POU6F1: variants seen among roughly 807,000 people sequenced by gnomAD.
POU6F1 encodes the protein POU class 6 homeobox 1, also known as POU domain, class 6, transcription factor 1.
In POU6F1, 9 loss-of-function variants were observed where a neutral mutation model predicts 28.9. That is an observed-to-expected ratio of 0.31 (90% CI 0.19 to 0.54). The LOEUF is 0.54. POU6F1 is among the 20% of genes least tolerant of loss of function. The probability of loss-of-function intolerance (pLI) is 0.94; values close to 1 mark genes in which losing one functional copy is unlikely to be tolerated. For synonymous variants in POU6F1, 173 were observed against 171.1 expected (o/e 1.01, Z -0.09); for missense variants, 338 against 426.1 (o/e 0.79, Z 1.82).
At position 51,199,988 on chromosome 12, in the gene POU6F1, T is replaced by G. The variant is rs1215949034; in HGVS notation, c.245-120A>C. ...GAAGCGGGGACCCTCAGCCCCATGC[T>G]GCATTGCTACATAGCCCAAGACCAA... is the stretch of plus-strand genomic sequence containing the variant. On this transcript the variant is annotated intron_variant, in intron 3 of 10. Transcript: ENST00000333640. The surrounding 1 kb of genome is among the most constrained non-coding windows in gnomAD (Gnocchi z 4.1). 1.0e-5 allele frequency: 4 copies of G among 398,380 alleles called. No homozygotes were observed. Among genetic ancestry groups the G allele is most frequent in the African/African-American group, 2.1e-5 (1 of 48,616 alleles). 24.7% of individuals were successfully genotyped at this position (398,380 alleles called of 1,614,324 possible). A position where few individuals can be genotyped will look rare whatever the true frequency, so the allele number is the denominator to read the frequency against.
At chr12:51,206,372 G>A (rs1452282744) in intron 2 of POU6F1, among the ~76,000 whole-genome samples, 2 of 150,646 alleles carry the variant, frequency 1.3e-5, no homozygotes. Flanking sequence ...GCAGTGAGCC[G>A]AGATTGCGCC....
intron 8 of POU6F1, among the ~76,000 whole-genome samples, chr12:51,195,272 T>C (rs1942733625): frequency 6.6e-6 from 1 of 152,180 alleles, no homozygotes; most frequent in Non-Finnish European, 1.5e-5. Context: ...TAGCTGGGAC[T>C]ACAGGTGAGC....
At chr12:51,211,285 C>G (rs1005866040) in intron 1 of POU6F1, among the ~76,000 whole-genome samples, 4 of 152,204 alleles carry the variant, frequency 2.6e-5, no homozygotes, top group Non-Finnish European at 4.4e-5. Flanking sequence ...CAGAGCTGCT[C>G]TGGTTAAAGC....
Position 51,204,156 on chromosome 12 carries a change from G to T in POU6F1, c.244+17C>A. 2.5e-6 allele frequency: 1 copy of T among 399,026 alleles called. No individual in the cohort carries two copies. The highest frequency in any genetic ancestry group is 3.6e-5 in the East Asian group (1 of 28,052). 24.7% of individuals were successfully genotyped at this position (399,026 alleles called of 1,614,324 possible). A position where few individuals can be genotyped will look rare whatever the true frequency, so the allele number is the denominator to read the frequency against. ...ACTCAGGTGGAGCAGTACCAGGTGG[G>T]GGTGATGGCCTCGTACCAGTTGCCT... On this transcript the variant is annotated intron_variant, in intron 3 of 10. Transcript: ENST00000333640.
chr12:51,201,367 T>C (rs1943193219), intron 3 of POU6F1, among the ~76,000 whole-genome samples: 1 of 151,976 alleles, frequency 6.6e-6, no homozygotes, highest in South Asian at 2.1e-4. Context: ...GGAGGGAAGA[T>C]ACATTTCTAA....
chr12:51,203,655 CTCT>C (rs570497960), intron 3 of POU6F1, among the ~76,000 whole-genome samples: 7 of 152,262 alleles, frequency 4.6e-5, no homozygotes, highest in Admixed American at 3.3e-4. Flanking sequence ...TTCTTGCCTC[CTCT>C]TCTTGGCCCA....
intron 1 of POU6F1, among the ~76,000 whole-genome samples, chr12:51,215,248 A>G (rs940954293): frequency 2.6e-5 from 4 of 152,046 alleles, no homozygotes; most frequent in African/African-American, 9.7e-5. Context: ...GGGCTACTTA[A>G]AAATGATTTC....
rs1312933052 is a variant in POU6F1, at chr12:51,190,213, C to T, written c.*34G>A. On this transcript the variant is annotated 3_prime_UTR_variant, in exon 11 of 11. Coordinates refer to ENST00000333640, the MANE Select transcript of POU6F1 (RefSeq NM_001330422.2). This position sits in a 1 kb window ranked among gnomAD's most constrained non-coding sequence, Gnocchi z 4.5. The stretch of plus-strand genomic sequence containing the variant: ...GCAGCCGGATGCCACGGGAAATGGA[C>T]AAAGTGCTAGAACACAGGGCCAGGG... The T allele has an allele frequency of 1.2e-6, 2 of 1,600,670 alleles. No homozygotes were observed. The highest frequency in any genetic ancestry group is 1.1e-5 in the South Asian group (1 of 90,232).
chr12:51,198,586 C>G lies in POU6F1; in HGVS notation c.556G>C (p.Gly186Arg), dbSNP rs1387944125. 1 of 399,136 alleles carries G rather than the reference C, an allele frequency of 2.5e-6. No homozygotes were observed. Among genetic ancestry groups the G allele is most frequent in the Non-Finnish European group, 4.4e-6 (1 of 226,274 alleles). 24.7% of individuals were successfully genotyped at this position (399,136 alleles called of 1,614,324 possible). A position where few individuals can be genotyped will look rare whatever the true frequency, so the allele number is the denominator to read the frequency against. Residue 186 changes from glycine (G) to arginine (R), a missense_variant, in exon 5 of 11, where the codon GGG becomes CGG. Coordinates refer to ENST00000333640, the MANE Select transcript of POU6F1 (RefSeq NM_001330422.2). The stretch of plus-strand genomic sequence containing the variant: ...GCTAAAGGTGGCTTGAACACTCCCC[C>G]CGTAGGAGAAGCAGCGGTCAGTCCT... ...LPGLTAASPT[G>R]GVFKPPLAGL...
At position 51,197,677 on chromosome 12, in the gene POU6F1, G is replaced by A. The variant is rs1592154861; in HGVS notation, c.846+93C>T. ...GTTGGAAAAGGGCTGTTTTCGGGGG[G>A]GGCTCGTCCTCCACTGTGGGAAGGG... On this transcript the variant is annotated intron_variant, in intron 6 of 10. Coordinates refer to ENST00000333640, the MANE Select transcript of POU6F1 (RefSeq NM_001330422.2). 4 of 398,848 alleles carry A rather than the reference G, an allele frequency of 1.0e-5. No individual in the cohort carries two copies. In the East Asian group the frequency reaches 1.1e-4, roughly 11 times the overall value. 24.7% of individuals were successfully genotyped at this position (398,848 alleles called of 1,614,324 possible). A position where few individuals can be genotyped will look rare whatever the true frequency, so the allele number is the denominator to read the frequency against.
In POU6F1 at chr12:51,217,438, C is replaced by G. The variant is rs1052086493; in HGVS notation, c.-48+204G>C. ...GGGTGTCTAGCCCCAGCTGGGCAAC[C>G]GCGCGCTGTCCCGCTCCCGCAGCTC... On this transcript the variant is annotated intron_variant, in intron 1 of 10. Coordinates refer to ENST00000333640, the MANE Select transcript of POU6F1 (RefSeq NM_001330422.2). This position sits in a 1 kb window ranked among gnomAD's most constrained non-coding sequence, Gnocchi z 5.3. Among the ~76,000 whole-genome samples, 4 of 152,016 alleles carry G rather than the reference C, an allele frequency of 2.6e-5. No individual in the cohort carries two copies. Among genetic ancestry groups the G allele is most frequent in the Non-Finnish European group, 4.4e-5 (3 of 67,974 alleles).
Position 51,189,874 on chromosome 12 carries a change from G to A in POU6F1, c.*373C>T, listed in dbSNP as rs1476141645. The A allele has an allele frequency of 4.3e-6, 1 of 233,014 alleles. No homozygotes were observed. The highest frequency in any genetic ancestry group is 2.2e-5 in the African/African-American group (1 of 44,964). The allele number at this position is 233,014 out of a possible 1,614,324, so 14.4% of individuals were successfully genotyped here. ...AAAGAGAATGCCATCAAAAGCAAGA[G>A]CTAATGGCCAGTGGTCCTTAGGAGC... is the stretch of plus-strand genomic sequence containing the variant. On this transcript the variant is annotated 3_prime_UTR_variant, in exon 11 of 11. Transcript: ENST00000333640.
At chr12:51,209,048 C>T (rs558097643) in intron 1 of POU6F1, among the ~76,000 whole-genome samples, 1 of 152,348 alleles carries the variant, frequency 6.6e-6, no homozygotes, top group East Asian at 1.9e-4. Context: ...TTCCCACCTT[C>T]AGTACTATGA....
At chr12:51,200,425 G>A (rs978735058) in intron 3 of POU6F1, among the ~76,000 whole-genome samples, 1 of 152,208 alleles carries the variant, frequency 6.6e-6, no homozygotes, top group East Asian at 1.9e-4. Flanking sequence ...GGGCTCTCCA[G>A]GACAGCCAGC....
intron 1 of POU6F1, among the ~76,000 whole-genome samples, chr12:51,215,957 T>C (rs1457197010): frequency 1.3e-5 from 2 of 152,208 alleles, no homozygotes; most frequent in Non-Finnish European, 1.5e-5. Flanking sequence ...GTTATTATCA[T>C]TGCTATTATT....
At chr12:51,208,174 G>A (rs1455342658) in intron 1 of POU6F1, among the ~76,000 whole-genome samples, 2 of 152,046 alleles carry the variant, frequency 1.3e-5, no homozygotes, top group Admixed American at 6.6e-5. Flanking sequence ...AGCTACTCAG[G>A]AGGCTGAGGT....
rs1395104764 is a variant in POU6F1 at position 51,190,549 on chromosome 12, T to G, written c.1534A>C (p.Lys512Gln). The G allele has an allele frequency of 2.5e-6, 4 of 1,614,008 alleles. No homozygotes were observed. Among genetic ancestry groups the G allele is most frequent in the Admixed American group, 1.7e-5 (1 of 60,002 alleles). Reference protein sequence around the residue: ...DITPKSAQKLKPVLEKWLNEA... With the variant: ...DITPKSAQKLQPVLEKWLNEA... ...TTTAGCCACTTTTCCAGCACCGGCT[T>G]TAGCTTCTGGGCACTCTTGGGTGTG... The change falls in exon 11 of 11, where the codon AAG becomes CAG. Residue 512 changes from lysine to glutamine, a missense_variant. Physicochemically the swap from Lys to Gln is moderately conservative, Grantham distance 53. Coordinates refer to ENST00000333640, the MANE Select transcript of POU6F1 (RefSeq NM_001330422.2). The surrounding 1 kb of genome is among the most constrained non-coding windows in gnomAD (Gnocchi z 4.5).
chr12:51,209,379 G>A (rs1179757289), intron 1 of POU6F1, among the ~76,000 whole-genome samples: 3 of 152,242 alleles, frequency 2.0e-5, no homozygotes, highest in Non-Finnish European at 4.4e-5. Context: ...TAAATGGAAT[G>A]ATAGAATATG....
At chr12:51,197,669 T>C (rs1037926650) in intron 6 of POU6F1, 101 bp downstream of exon 6, 6 of 394,868 alleles carry the variant, frequency 1.5e-5, no homozygotes, top group African/African-American at 1.0e-4. Flanking sequence ...AAGGGCTGTT[T>C]TCGGGGGGGG....
Sources: allele counts gnomAD v4.1 joint callset (sites outside exome capture counted in the v4.1 genomes callset), GRCh38; gene constraint gnomAD v4.1.1; non-coding constraint Gnocchi (gnomAD v3.1); transcripts MANE v1.5; gene names NCBI Gene and HGNC (gene_info 2026-07-23, HGNC 2026-07-21).